Variants in TCF4 observed in about 807,000 individuals in gnomAD.
The protein encoded by TCF4 is SL3-3 enhancer factor 2.
TCF4 carries 3 observed loss-of-function variants against 82.1 expected under a neutral mutation model. The observed-to-expected ratio is 0.04, with a 90% CI of 0.02 to 0.09. The LOEUF (loss-of-function observed/expected upper bound fraction) is 0.09, where lower values mean the gene tolerates loss of function less well. TCF4 is among the 10% of genes least tolerant of loss of function. The pLI, the probability that TCF4 is intolerant of heterozygous loss-of-function variation, is 1.00. For missense variants in TCF4, 518 were observed against 852.7 expected (o/e 0.61, Z 4.89); for synonymous variants, 276 against 309.6 (o/e 0.89, Z 1.14).
chr18:55,546,366 T>G (rs1162543190), intron 3 of TCF4, among the ~76,000 whole-genome samples: 1 of 151,850 alleles, frequency 6.6e-6, no homozygotes, highest in Non-Finnish European at 1.5e-5. Context: ...AAATAAAAAT[T>G]AAAATACAGA....
intron 8 of TCF4, among the ~76,000 whole-genome samples, chr18:55,332,498 C>T (rs2077773076): frequency 6.6e-6 from 1 of 152,164 alleles, no homozygotes; most frequent in Admixed American, 6.5e-5. Context: ...CTTGCTATCA[C>T]TGTATTTTTA....
At chr18:55,473,021 G>A (rs1284787120) in intron 3 of TCF4, among the ~76,000 whole-genome samples, 1 of 152,138 alleles carries the variant, frequency 6.6e-6, no homozygotes, top group Non-Finnish European at 1.5e-5. Flanking sequence ...GTAATTACGT[G>A]TGTATTTTTC....
At chr18:55,447,296 CAA>C (rs34577882) in intron 5 of TCF4, among the ~76,000 whole-genome samples, 79,310 of 144,182 alleles carry the variant, frequency 0.55, 22,330 homozygotes, top group South Asian at 0.63. Flanking sequence ...GAGACCGTCT[CAA>C]AAAAAAAAAA....
intron 2 of TCF4, among the ~76,000 whole-genome samples, chr18:55,628,813 T>C (rs991521922): frequency 2.0e-5 from 3 of 152,364 alleles, no homozygotes; most frequent in East Asian, 1.9e-4. Flanking sequence ...TGGTTTAAGA[T>C]AGCAATTTGT....
chr18:55,251,948 T>C (rs1362908980), intron 15 of TCF4, among the ~76,000 whole-genome samples: 1 of 151,406 alleles, frequency 6.6e-6, no homozygotes, highest in East Asian at 1.9e-4. Flanking sequence ...TTTTTTTTTT[T>C]TGCCTTCCCC....
At chr18:55,311,075 G>T (rs752969176) in intron 8 of TCF4, among the ~76,000 whole-genome samples, 1 of 151,546 alleles carries the variant, frequency 6.6e-6, no homozygotes, top group African/African-American at 2.4e-5. Flanking sequence ...ATGGTAAAAC[G>T]TAGAAATACC....
chr18:55,404,868 T>C (rs1239352604), intron 5 of TCF4, among the ~76,000 whole-genome samples: 2 of 152,252 alleles, frequency 1.3e-5, no homozygotes, highest in African/African-American at 4.8e-5. Context: ...ATTAACCCCG[T>C]TTCCCAGTAT....
chr18:55,545,974 T>A (rs1031929834), intron 3 of TCF4, among the ~76,000 whole-genome samples: 1 of 152,186 alleles, frequency 6.6e-6, no homozygotes, highest in African/African-American at 2.4e-5. Flanking sequence ...CTGCTTCCTA[T>A]CAATTTCTGT....
chr18:55,243,920 C>T (rs916823869), intron 15 of TCF4, among the ~76,000 whole-genome samples: 2 of 152,146 alleles, frequency 1.3e-5, no homozygotes, highest in African/African-American at 4.8e-5. Context: ...TTTGGTAATT[C>T]AGAGTTTCTC....
intron 8 of TCF4, among the ~76,000 whole-genome samples, chr18:55,325,282 A>T (rs2076359327): frequency 6.6e-6 from 1 of 152,184 alleles, no homozygotes; most frequent in East Asian, 1.9e-4. Flanking sequence ...CTTCCTGAGA[A>T]AATTGAGAAA....
At chr18:55,490,950 T>A (rs749317253) in intron 3 of TCF4, among the ~76,000 whole-genome samples, 1 of 152,114 alleles carries the variant, frequency 6.6e-6, no homozygotes, top group Non-Finnish European at 1.5e-5. Context: ...ATGGAAAGGT[T>A]AAGAAAAAGC....
At chr18:55,237,626 C>CA (rs2049926426) in intron 15 of TCF4, among the ~76,000 whole-genome samples, 2 of 51,036 alleles carry the variant, frequency 3.9e-5, no homozygotes, top group Admixed American at 5.6e-4. Flanking sequence ...CCCACCACCA[C>CA]GCCGGCTAAT....
chr18:55,542,535 T>C (rs1275236728), intron 3 of TCF4, among the ~76,000 whole-genome samples: 1 of 151,972 alleles, frequency 6.6e-6, no homozygotes, highest in Non-Finnish European at 1.5e-5. Context: ...CTTTGCAAAA[T>C]ACTTACCAGT....
chr18:55,230,819 A>T (rs1279749344), intron 17 of TCF4: 1 of 152,250 alleles, frequency 6.6e-6, no homozygotes, highest in Non-Finnish European at 1.5e-5. Flanking sequence ...GAGAAGCTCC[A>T]ATCAATCAAA....
At chr18:55,401,842 C>T (rs922843547) in intron 6 of TCF4, 6 of 944,950 alleles carry the variant, frequency 6.3e-6, no homozygotes, top group Middle Eastern at 5.4e-4. Context: ...AAAAGGGGCC[C>T]AGCGAAAACA....
chr18:55,402,322 G>A (rs1162765228), intron 6 of TCF4: 1 of 729,876 alleles, frequency 1.4e-6, no homozygotes, highest in East Asian at 1.3e-4. Flanking sequence ...GGTACGTAAA[G>A]GAAACTTTCC....
chr18:55,242,611 T>C (rs2051617316), intron 15 of TCF4, among the ~76,000 whole-genome samples: 1 of 119,262 alleles, frequency 8.4e-6, no homozygotes, highest in South Asian at 2.5e-4. Flanking sequence ...CAGGCACTGA[T>C]TTTTTTTTTT....
chr18:55,228,170 T>C, intron 19 of TCF4, 51 bp downstream of exon 19: 1 of 1,611,480 alleles, frequency 6.2e-7, no homozygotes, highest in Non-Finnish European at 8.5e-7. Context: ...GCTGATACAC[T>C]GATGAGAGTT....
rs1487421608 is a variant in TCF4, at chr18:55,588,070, C to A, written c.-53G>T. On this transcript the variant is annotated 5_prime_UTR_variant, in exon 1 of 20. Transcript: ENST00000354452. ...GCGCGAGAAGGGGCTCTCCGTGCAC[C>A]GCCGGCGCCGAGGCGGCGTTCATGT... 29 of 992,894 alleles carry A rather than the reference C, an allele frequency of 2.9e-5. No individual in the cohort carries two copies. The highest frequency in any genetic ancestry group is 3.2e-5 in the Non-Finnish European group (27 of 837,024). 61.5% of individuals were successfully genotyped at this position (992,894 alleles called of 1,614,324 possible).
Sources: gnomAD v4.1 joint callset for allele counts (sites outside exome capture counted in the v4.1 genomes callset) on GRCh38, gnomAD v4.1.1 for gene constraint, MANE v1.5 for transcripts, NCBI Gene and HGNC (gene_info 2026-07-23, HGNC 2026-07-21) for gene names.